The following R3HDM1 variants were observed in gnomAD, a reference collection of about 807,000 sequenced individuals.
R3HDM1 encodes the protein R3H domain containing 1.
R3HDM1 carries 46 observed loss-of-function variants against 141.1 expected under a neutral mutation model. The observed-to-expected ratio is 0.33, with a 90% CI of 0.26 to 0.42. The LOEUF is 0.42. Among genes scored for constraint, R3HDM1 ranks in the 10% least tolerant of loss-of-function variants. The pLI is 1.00. For missense variants in R3HDM1, 1,184 were observed against 1,368.3 expected (o/e 0.87, Z 2.12); for synonymous variants, 435 against 472.9 (o/e 0.92, Z 1.04).
rs2073767628 is a variant in R3HDM1, at chr2:135,699,028, TAGATA to T, written c.2460-10404_2460-10400del. Among the ~76,000 whole-genome samples the T allele has an allele frequency of 5.9e-5, 7 of 118,542 alleles. No homozygotes were observed. The East Asian group carries it at 1.2e-3, about 21-fold the overall frequency. The allele number at this position is 118,542 out of a possible 152,430, so 77.8% of individuals were successfully genotyped here. A position where few individuals can be genotyped will look rare whatever the true frequency, so the allele number is the denominator to read the frequency against. ...ATAGATAGATAGATAGATAGATAGA[TAGATA>T]GATAGATAGATAAGATAGATAAGAT... On this transcript the variant is annotated intron_variant, in intron 21 of 26. Transcript: ENST00000683871.
At chr2:135,628,510 T>C (rs2105204126) in intron 7 of R3HDM1, among the ~76,000 whole-genome samples, 1 of 152,338 alleles carries the variant, frequency 6.6e-6, no homozygotes, top group Non-Finnish European at 1.5e-5. Flanking sequence ...GCAGTGCATT[T>C]CACTGAAGAA....
intron 18 of R3HDM1, 23 bp downstream of exon 18, chr2:135,652,055 C>T: frequency 6.5e-7 from 1 of 1,526,838 alleles, no homozygotes; most frequent in Non-Finnish European, 8.8e-7. Context: ...TTAACCTTTT[C>T]TTTCTTGTGG....
chr2:135,651,208 A>G, intron 17 of R3HDM1: 1 of 984,998 alleles, frequency 1.0e-6, no homozygotes. Flanking sequence ...TAGAGAAAGG[A>G]CTGTAGTGGA....
At chr2:135,669,092 GAGT>G (rs2067940586) in intron 19 of R3HDM1, 1 of 958,836 alleles carries the variant, frequency 1.0e-6, no homozygotes. Flanking sequence ...GCCTAGACTG[GAGT>G]GCAGTGGCCC....
chr2:135,560,502 C>G (rs761781771), intron 1 of R3HDM1, among the ~76,000 whole-genome samples: 1 of 152,038 alleles, frequency 6.6e-6, no homozygotes, highest in African/African-American at 2.4e-5. Context: ...TTAGTAGAGA[C>G]GGGGTTTCAC....
chr2:135,650,490 G>A, intron 17 of R3HDM1: 1 of 978,304 alleles, frequency 1.0e-6, no homozygotes, highest in Non-Finnish European at 1.2e-6. Flanking sequence ...GTAAAGTAAT[G>A]ATACTTTCTT....
chr2:135,716,578 CTG>C (rs1220779179), intron 24 of R3HDM1, among the ~76,000 whole-genome samples: 3 of 152,174 alleles, frequency 2.0e-5, no homozygotes, highest in Admixed American at 6.5e-5. Context: ...CAACCTAACT[CTG>C]TACATCAATG....
chr2:135,584,222 G>A (rs1707388763), intron 1 of R3HDM1: 1 of 508,476 alleles, frequency 2.0e-6, no homozygotes, highest in South Asian at 8.5e-5. Context: ...CAGCTACTCG[G>A]GAGGCTGAAG....
At chr2:135,575,967 T>A (rs1245292321) in intron 1 of R3HDM1, among the ~76,000 whole-genome samples, 1 of 152,220 alleles carries the variant, frequency 6.6e-6, no homozygotes, top group Admixed American at 6.5e-5. Context: ...CTGGTGGGAC[T>A]AGCTCTACCA....
At chr2:135,550,234 A>G (rs747654001) in intron 1 of R3HDM1, 15 of 982,900 alleles carry the variant, frequency 1.5e-5, no homozygotes, top group Non-Finnish European at 3.6e-6. Flanking sequence ...TGAAAATTAA[A>G]GCAAAGAAAG....
chr2:135,678,118 C>T lies in R3HDM1; in HGVS notation c.2308-2055C>T, dbSNP rs570422458. Among the ~76,000 whole-genome samples, 8 of 152,152 alleles carry T rather than the reference C, an allele frequency of 5.3e-5. 1 individual carries two copies. Among genetic ancestry groups the T allele is most frequent in the Admixed American group, 5.2e-4 (8 of 15,282 alleles). On this transcript the variant is annotated intron_variant, in intron 20 of 26. Coordinates refer to ENST00000683871, the MANE Select transcript of R3HDM1 (RefSeq NM_001378107.1). ...TAGCTGGGATTACAGGCGCATGCCA[C>T]CACGCCTGGCTAATTTTTGTATTTT...
chr2:135,652,658 T>A (rs1365594049), intron 18 of R3HDM1, among the ~76,000 whole-genome samples: 2 of 152,226 alleles, frequency 1.3e-5, no homozygotes, highest in Admixed American at 6.5e-5. Context: ...AGCCTTAAAA[T>A]GAGTTGGGCA....
At chr2:135,674,058 C>A (rs2068781429) in intron 19 of R3HDM1, among the ~76,000 whole-genome samples, 1 of 152,154 alleles carries the variant, frequency 6.6e-6, no homozygotes, top group Admixed American at 6.5e-5. Context: ...AGGTGTAAGC[C>A]ACCACACCTG....
chr2:135,681,400 T>C (rs561610432), intron 21 of R3HDM1, among the ~76,000 whole-genome samples: 3 of 152,336 alleles, frequency 2.0e-5, no homozygotes, highest in African/African-American at 7.2e-5. Flanking sequence ...TTTAACATTA[T>C]TTTCTCATTG....
intron 14 of R3HDM1, 115 bp downstream of exon 14, chr2:135,639,237 TA>T: frequency 9.7e-7 from 1 of 1,029,548 alleles, no homozygotes. Context: ...TCACTATCAA[TA>T]GTACCTTGAC....
intron 1 of R3HDM1, among the ~76,000 whole-genome samples, chr2:135,539,782 C>G (rs1200489959): frequency 6.6e-6 from 1 of 152,114 alleles, no homozygotes; most frequent in African/African-American, 2.4e-5. Flanking sequence ...ATCATCTGAG[C>G]CTTCAGCAGG....
At chr2:135,657,027 G>A (rs1574773797) in intron 18 of R3HDM1, among the ~76,000 whole-genome samples, 1 of 151,970 alleles carries the variant, frequency 6.6e-6, no homozygotes, top group East Asian at 1.9e-4. Context: ...TTGAACCCGG[G>A]CAGCAGAGGT....
At chr2:135,688,843 G>A (rs555982404) in intron 21 of R3HDM1, among the ~76,000 whole-genome samples, 2 of 152,222 alleles carry the variant, frequency 1.3e-5, no homozygotes, top group African/African-American at 2.4e-5. Context: ...GGCTGAGGTA[G>A]GAGAAACACT....
intron 1 of R3HDM1, among the ~76,000 whole-genome samples, chr2:135,556,521 C>CT (rs767659497): frequency 0.014 from 2,012 of 141,202 alleles, 33 homozygotes; most frequent in African/African-American, 0.043. Flanking sequence ...CTATGTCAGA[C>CT]TTTTTTTTTT....
Sources: allele counts gnomAD v4.1 joint callset (sites outside exome capture counted in the v4.1 genomes callset), GRCh38; gene constraint gnomAD v4.1.1; transcripts MANE v1.5; gene names NCBI Gene and HGNC (gene_info 2026-07-23, HGNC 2026-07-21).